MUCL3: variants seen among roughly 807,000 people sequenced by gnomAD.
The protein encoded by MUCL3 is mucin-like protein 3.
MUCL3 carries 42 observed loss-of-function variants against 70.2 expected under a neutral mutation model. That is an observed-to-expected ratio of 0.60 (90% CI 0.47 to 0.77). The LOEUF (loss-of-function observed/expected upper bound fraction) is 0.77, where lower values mean the gene tolerates loss of function less well. Among genes scored for constraint, MUCL3 ranks in the 30% least tolerant of loss-of-function variants. The probability of loss-of-function intolerance (pLI) is 0.00; values close to 1 mark genes in which losing one functional copy is unlikely to be tolerated. For missense variants in MUCL3, 1,429 were observed against 1,670.0 expected, an observed-to-expected ratio of 0.86 and a Z score of 2.52; for synonymous variants, 522 against 647.0, an observed-to-expected ratio of 0.81 and a Z score of 2.93.
chr6:30,941,107 AG>A (rs1795554010), intron 1 of MUCL3, 26 bp downstream of exon 1: 1 of 1,546,836 alleles, frequency 6.5e-7, no homozygotes, highest in South Asian at 1.2e-5. Flanking sequence ...GGGATACAGA[AG>A]ACAGAAACAG....
intron 1 of MUCL3, among the ~76,000 whole-genome samples, chr6:30,947,227 G>A (rs923989759): frequency 6.6e-6 from 1 of 152,144 alleles, no homozygotes; most frequent in African/African-American, 2.4e-5. Context: ...TCAGGTAATG[G>A]GATTGGGACA....
At position 30,951,825 on chromosome 6, in the gene MUCL3, T is replaced by C; in HGVS notation, c.3361T>C (p.Ser1121Pro). 1.3e-6 allele frequency: 2 copies of C among 1,580,112 alleles called. No homozygotes were observed. Among genetic ancestry groups the C allele is most frequent in the Non-Finnish European group, 1.7e-6 (2 of 1,164,434 alleles). ...TTSPNDKITSSAAESTEHRDR... is the reference protein window; with the variant it reads ...TTSPNDKITSPAAESTEHRDR... ...ATCACCCAATGACAAGATCACCTCA[T>C]CTGCAGCAGAGTCTACAGAACATAG... The change falls in exon 2 of 3, where the codon TCT (serine) becomes CCT (proline). Residue 1121 changes from serine to proline, a missense_variant. By Grantham distance (74) the Ser-to-Pro change is moderately conservative (BLOSUM62 -1). Transcript: ENST00000462446.
Position 30,948,820 on chromosome 6 carries a change from C to T in MUCL3, c.356C>T (p.Pro119Leu), listed in dbSNP as rs1182622174. 2.6e-6 allele frequency: 4 copies of T among 1,551,564 alleles called. No homozygotes were observed. In the African/African-American group the frequency reaches 5.5e-5, roughly 21 times the overall value. Residue 119 changes from proline to leucine, a missense_variant, in exon 2 of 3, where the codon CCC becomes CTC. Physicochemically the swap from Pro to Leu is moderately conservative, Grantham distance 98. Transcript: ENST00000462446. ...KSSTDNHEAP[P>L]TSEENSSNQG... ...TCTACAGATAATCATGAGGCTCCTCCCACTTCTGAAGAAAACTCCAGCAAC... is the reference window on the plus strand; with the variant it reads ...TCTACAGATAATCATGAGGCTCCTCTCACTTCTGAAGAAAACTCCAGCAAC...
chr6:30,941,312 G>C (rs761837990), intron 1 of MUCL3, among the ~76,000 whole-genome samples: 1 of 152,180 alleles, frequency 6.6e-6, no homozygotes, highest in African/African-American at 2.4e-5. Flanking sequence ...CCCATCCAGA[G>C]GGGGTTTCTT....
rs1760811332 is a variant in MUCL3, at chr6:30,953,338, G to A, written c.*221G>A. ...ACAAAGAAGAAAGAATGAATAATAC[G>A]AGCAGACATTCTCTGTAGAAGGTAA... On this transcript the variant is annotated 3_prime_UTR_variant, in exon 3 of 3. Transcript: ENST00000462446. The A allele has an allele frequency of 1.1e-5, 7 of 635,534 alleles. No individual in the cohort carries two copies. Among genetic ancestry groups the A allele is most frequent in the South Asian group, 1.0e-4 (5 of 48,282 alleles). The allele number at this position is 635,534 out of a possible 1,614,324, so 39.4% of individuals were successfully genotyped here. A position where few individuals can be genotyped will look rare whatever the true frequency, so the allele number is the denominator to read the frequency against.
chr6:30,944,501 C>T (rs1306739455), intron 1 of MUCL3, among the ~76,000 whole-genome samples: 2 of 152,172 alleles, frequency 1.3e-5, no homozygotes, highest in African/African-American at 2.4e-5. Context: ...AGGCTGGTCT[C>T]GAACTCCTGA....
At position 30,950,729 on chromosome 6, in the gene MUCL3, C is replaced by T. The variant is rs1338313073; in HGVS notation, c.2265C>T (p.Ser755=). 3 of 1,548,666 alleles carry T rather than the reference C, an allele frequency of 1.9e-6. No individual in the cohort carries two copies. Among genetic ancestry groups the T allele is most frequent in the African/African-American group, 2.8e-5 (2 of 71,774 alleles). Residue 755 remains serine, a synonymous_variant, in exon 2 of 3, where the codon TCC becomes TCT. Coordinates refer to ENST00000462446, the MANE Select transcript of MUCL3 (RefSeq NM_080870.4). ...CAGCCAATGAGAACACCACACCATC[C>T]CCAGCACAGCCTACAGAAAATGGAG... ...ERTANENTTP[S]PAQPTENGDR...
At chr6:30,943,071 C>T (rs1317505063) in intron 1 of MUCL3, among the ~76,000 whole-genome samples, 1 of 151,974 alleles carries the variant, frequency 6.6e-6, no homozygotes, top group Non-Finnish European at 1.5e-5. Context: ...CATGGCTGTG[C>T]CCAGCAGAGA....
chr6:30,941,457 C>CTTCT (rs1554274266), intron 1 of MUCL3, among the ~76,000 whole-genome samples: 8 of 105,250 alleles, frequency 7.6e-5, no homozygotes, highest in Middle Eastern at 4.6e-3. Context: ...TCTTCTTCTT[C>CTTCT]TTTTTTTTTT....
Position 30,949,753 on chromosome 6 carries a change from C to A in MUCL3, c.1289C>A (p.Ala430Asp). 1.3e-6 allele frequency: 2 copies of A among 1,549,002 alleles called. No homozygotes were observed. Among genetic ancestry groups the A allele is most frequent in the Non-Finnish European group, 1.7e-6 (2 of 1,146,334 alleles). Reference sequence around the variant, plus strand: ...GAACATGGAGAAAGGACCCCACTGGCCAACGAGAACACCACACCATCCCCA... The same window carrying A: ...GAACATGGAGAAAGGACCCCACTGGACAACGAGAACACCACACCATCCCCA... ...STEHGERTPL[A>D]NENTTPSPAE... is the part of the protein sequence containing the mutation. Residue 430 changes from alanine (A) to aspartate (D), a missense_variant, in exon 2 of 3, where the codon GCC becomes GAC. Ala to Asp is a moderately radical substitution (Grantham distance 126, BLOSUM62 -2). Transcript: ENST00000462446.
At position 30,942,976 on chromosome 6, in the gene MUCL3, A is replaced by G. The variant is rs184682760; in HGVS notation, c.82+1895A>G. ...TCTGCAGATTTTGAAGACAAGAGTG[A>G]GTGGGTTACAGGTGGGGAGGGCTTG... is the stretch of plus-strand genomic sequence containing the variant. On this transcript the variant is annotated intron_variant, in intron 1 of 2. Coordinates refer to ENST00000462446, the MANE Select transcript of MUCL3 (RefSeq NM_080870.4). 2.9e-3 allele frequency among the ~76,000 whole-genome samples: 434 copies of G among 152,004 alleles called. 4 individuals are homozygous for G. The highest frequency in any genetic ancestry group is 9.8e-3 in the African/African-American group (408 of 41,436).
intron 1 of MUCL3, among the ~76,000 whole-genome samples, chr6:30,941,517 T>G (rs1303026604): frequency 1.3e-5 from 2 of 148,852 alleles, no homozygotes; most frequent in Non-Finnish European, 3.0e-5. Context: ...TGGAGTGCAG[T>G]GGCACAATCT....
At chr6:30,943,872 T>C (rs1253944215) in intron 1 of MUCL3, among the ~76,000 whole-genome samples, 1 of 151,070 alleles carries the variant, frequency 6.6e-6, no homozygotes, top group Non-Finnish European at 1.5e-5. Context: ...TTTTTTTTTG[T>C]AGAGACAGGT....
At position 30,951,098 on chromosome 6, in the gene MUCL3, G is replaced by A. The variant is rs1183492522; in HGVS notation, c.2634G>A (p.Glu878=). The A allele has an allele frequency of 1.3e-6, 2 of 1,550,704 alleles. No individual in the cohort carries two copies. Among genetic ancestry groups the A allele is most frequent in the African/African-American group, 1.4e-5 (1 of 72,464 alleles). Residue 878 remains glutamate (E), a synonymous_variant, in exon 2 of 3, where the codon GAG becomes GAA. Coordinates refer to ENST00000462446, the MANE Select transcript of MUCL3 (RefSeq NM_080870.4). Reference sequence around the variant, plus strand: ...AGAACACCACACTATCCCCAGCAGAGCCTACAGAACATGAAGAAATGACCC... The same window carrying A: ...AGAACACCACACTATCCCCAGCAGAACCTACAGAACATGAAGAAATGACCC... ...ANENTTLSPA[E]PTEHEEMTPL...
Position 30,949,595 on chromosome 6 carries a change from A to T in MUCL3, c.1131A>T (p.Pro377=). 1 of 1,541,154 alleles carries T rather than the reference A, an allele frequency of 6.5e-7. No individual in the cohort carries two copies. The highest frequency in any genetic ancestry group is 8.8e-7 in the Non-Finnish European group (1 of 1,141,432). ...CCAATGAGAACACCACACCATCCCC[A>T]GCAGAGCCTACAGAACATGGAGAAA... is the stretch of plus-strand genomic sequence containing the variant. ...RTANENTTPS[P]AEPTEHGERT... is the part of the protein sequence containing the mutation. Residue 377 remains proline (P), a synonymous_variant, in exon 2 of 3, where the codon CCA becomes CCT. Transcript: ENST00000462446.
At chr6:30,941,117 A>T in intron 1 of MUCL3, 36 bp downstream of exon 1, 1 of 1,545,254 alleles carries the variant, frequency 6.5e-7, no homozygotes, top group South Asian at 1.2e-5. Context: ...AGACAGAAAC[A>T]GCTTGTTTCT....
rs1216355172 is a variant in MUCL3, at chr6:30,951,748, A to T, written c.3284A>T (p.Glu1095Val). 3 of 1,553,168 alleles carry T rather than the reference A, an allele frequency of 1.9e-6. No individual in the cohort carries two copies. The highest frequency in any genetic ancestry group is 2.6e-6 in the Non-Finnish European group (3 of 1,147,806). ...EHGAKTTSAN[E>V]KITPSLAKPT... ...GGAGCAAAAACTACGTCGGCCAATG[A>T]GAAGATCACACCATCCCTAGCAAAG... Residue 1095 changes from glutamate (E) to valine (V), a missense_variant, in exon 2 of 3, where the codon GAG becomes GTG. Physicochemically the swap from Glu to Val is moderately radical, Grantham distance 121 (BLOSUM62 -2). Transcript: ENST00000462446.
At chr6:30,948,494 G>T in intron 1 of MUCL3, 53 bp from the exon 2 acceptor site, 2 of 1,357,904 alleles carry the variant, frequency 1.5e-6, no homozygotes, top group Non-Finnish European at 2.0e-6. Flanking sequence ...TGGGAAGGGG[G>T]AGTTGGAGAA....
In MUCL3 at chr6:30,950,157, A is replaced by T; in HGVS notation, c.1693A>T (p.Arg565Trp). Residue 565 changes from arginine (R) to tryptophan (W), a missense_variant, in exon 2 of 3, where the codon AGG (arginine) becomes TGG (tryptophan). By Grantham distance (101) the Arg-to-Trp change is moderately radical (BLOSUM62 -3). Coordinates refer to ENST00000462446, the MANE Select transcript of MUCL3 (RefSeq NM_080870.4). ...AGCAGAGCCTACAGAAAATGGAGAC[A>T]GGACTCCTTTGGCCAATGAGAAGAC... ...SPAEPTENGD[R>W]TPLANEKTTP... is the part of the protein sequence containing the mutation. The T allele has an allele frequency of 6.4e-7, 1 of 1,551,334 alleles. No homozygotes were observed. The highest frequency in any genetic ancestry group is 2.4e-5 in the East Asian group (1 of 40,882).
Sources: allele counts gnomAD v4.1 joint callset (sites outside exome capture counted in the v4.1 genomes callset), GRCh38; gene constraint gnomAD v4.1.1; transcripts MANE v1.5; gene names NCBI Gene and HGNC (gene_info 2026-07-23, HGNC 2026-07-21).